ZNRF3: variants seen among roughly 807,000 people sequenced by gnomAD.
ZNRF3 encodes zinc and ring finger 3.
In ZNRF3, 23 loss-of-function variants were observed where a neutral mutation model predicts 72.5. That is an observed-to-expected ratio of 0.32 (90% CI 0.23 to 0.45). The LOEUF is 0.45. Ranked by LOEUF, ZNRF3 falls within the 20% of genes least tolerant of loss-of-function variation. The pLI is 1.00. For missense variants in ZNRF3, 1,169 were observed against 1,272.1 expected (o/e 0.92, Z 1.23); for synonymous variants, 610 against 545.3 (o/e 1.12, Z -1.65).
At chr22:28,946,559 A>G (rs1355170865) in intron 1 of ZNRF3, among the ~76,000 whole-genome samples, 1 of 152,224 alleles carries the variant, frequency 6.6e-6, no homozygotes, top group Non-Finnish European at 1.5e-5. Context: ...TAGACCGTCC[A>G]TTTACTAAAT....
chr22:28,991,288 A>G (rs1209686670), intron 2 of ZNRF3, among the ~76,000 whole-genome samples: 1 of 139,878 alleles, frequency 7.1e-6, no homozygotes, highest in Non-Finnish European at 1.6e-5. Context: ...TCAAAAAAAA[A>G]AAAAAAAAAA....
chr22:28,983,879 T>C (rs12484306), intron 1 of ZNRF3, among the ~76,000 whole-genome samples: 1 of 152,206 alleles, frequency 6.6e-6, no homozygotes, highest in Admixed American at 6.5e-5. Context: ...TTCACACATG[T>C]AGATCCTGAG....
chr22:28,898,618 A>C (rs2034044255), intron 1 of ZNRF3, among the ~76,000 whole-genome samples: 1 of 152,284 alleles, frequency 6.6e-6, no homozygotes, highest in Non-Finnish European at 1.5e-5. Context: ...ATGTAGCTTC[A>C]GAATGACCCA....
chr22:29,050,459 G>A lies in ZNRF3; in HGVS notation c.2278G>A (p.Gly760Ser), dbSNP rs771618826. ...GTCAGGAAGCTCCCAGGGCTTGTAC[G>A]GCCTTCACCCCGACCATTTGCCCAG... ...PQSGSSQGLY[G>S]LHPDHLPRTD... The change falls in exon 8 of 9, where the codon GGC becomes AGC. Residue 760 changes from glycine to serine, a missense_variant. Coordinates refer to ENST00000544604, the MANE Select transcript of ZNRF3 (RefSeq NM_001206998.2). 15 of 1,612,078 alleles carry A rather than the reference G, an allele frequency of 9.3e-6. No individual in the cohort carries two copies. In the Admixed American group the frequency reaches 1.2e-4, roughly 13 times the overall value.
At chr22:28,938,805 G>T (rs1056554244) in intron 1 of ZNRF3, among the ~76,000 whole-genome samples, 14 of 152,282 alleles carry the variant, frequency 9.2e-5, no homozygotes, top group African/African-American at 3.4e-4. Flanking sequence ...TTTGTAAGAT[G>T]TAAGATGGGT....
intron 1 of ZNRF3, among the ~76,000 whole-genome samples, chr22:28,911,074 C>T (rs1377749313): frequency 6.6e-6 from 1 of 152,168 alleles, no homozygotes; most frequent in Non-Finnish European, 1.5e-5. Context: ...TTCTGAGCCT[C>T]AGTCTCCACA....
chr22:28,995,859 T>A (rs1298654444), intron 2 of ZNRF3, among the ~76,000 whole-genome samples: 1 of 151,676 alleles, frequency 6.6e-6, no homozygotes, highest in East Asian at 1.9e-4. Flanking sequence ...CACTGCAACC[T>A]CTGTGCCCCA....
At chr22:28,926,269 A>T (rs1307943961) in intron 1 of ZNRF3, among the ~76,000 whole-genome samples, 1 of 152,226 alleles carries the variant, frequency 6.6e-6, no homozygotes, top group Non-Finnish European at 1.5e-5. Flanking sequence ...GCATGGAGCA[A>T]GCCAGCTGGG....
chr22:28,969,130 G>A (rs748692378), intron 1 of ZNRF3, among the ~76,000 whole-genome samples: 3 of 152,162 alleles, frequency 2.0e-5, no homozygotes, highest in Admixed American at 6.5e-5. Flanking sequence ...AGCTGGGGCA[G>A]CCTAGCCCAA....
chr22:29,002,014 C>T (rs561370063), intron 2 of ZNRF3, among the ~76,000 whole-genome samples: 1 of 152,342 alleles, frequency 6.6e-6, no homozygotes, highest in Admixed American at 6.5e-5. Flanking sequence ...GTGTTCCTCT[C>T]TCTTCATCAC....
chr22:29,003,983 A>C (rs2036197583), intron 2 of ZNRF3, among the ~76,000 whole-genome samples: 1 of 152,274 alleles, frequency 6.6e-6, no homozygotes, highest in Non-Finnish European at 1.5e-5. Flanking sequence ...GGTGTGTTTC[A>C]GAGATTTGGA....
At chr22:29,038,423 A>G (rs2036902297) in intron 2 of ZNRF3, among the ~76,000 whole-genome samples, 1 of 151,478 alleles carries the variant, frequency 6.6e-6, no homozygotes, top group Non-Finnish European at 1.5e-5. Flanking sequence ...TACAGCTTCA[A>G]CCTCCTGGGC....
intron 2 of ZNRF3, among the ~76,000 whole-genome samples, chr22:28,990,180 C>G (rs2035929660): frequency 1.3e-5 from 2 of 152,352 alleles, no homozygotes; most frequent in South Asian, 4.1e-4. Flanking sequence ...TTCTGAGCCT[C>G]TCTCCTGTAC....
chr22:29,000,732 A>G (rs919252043), intron 2 of ZNRF3, among the ~76,000 whole-genome samples: 2 of 152,188 alleles, frequency 1.3e-5, no homozygotes, highest in Non-Finnish European at 2.9e-5. Flanking sequence ...ATCTGGTTCT[A>G]GTGAGGGCCT....
At chr22:29,053,553 T>G (rs749477253) in intron 8 of ZNRF3, 26 bp from the exon 9 acceptor site, 2 of 1,612,878 alleles carry the variant, frequency 1.2e-6, no homozygotes, top group South Asian at 2.2e-5. Context: ...CTCCCTCCCC[T>G]GATGATTGTT....
intron 4 of ZNRF3, among the ~76,000 whole-genome samples, chr22:29,043,876 C>T (rs2037013371): frequency 6.6e-6 from 1 of 152,132 alleles, no homozygotes; most frequent in Admixed American, 6.6e-5. Flanking sequence ...TTGAAACTCC[C>T]CAAGTTAATT....
At chr22:28,971,671 A>C (rs957491605) in intron 1 of ZNRF3, among the ~76,000 whole-genome samples, 17 of 152,198 alleles carry the variant, frequency 1.1e-4, no homozygotes, top group African/African-American at 4.1e-4. Flanking sequence ...AATTGCCTGG[A>C]GTAATGGAGC....
rs1195427821 is a variant in ZNRF3 at position 29,055,138 on chromosome 22, A to T, written c.*1516A>T. ...TTAAAAGGGAGAGAGAATCTATTTAAAGCTATTTCAGATCAGGGATTGTCA... is the reference window on the plus strand; with the variant it reads ...TTAAAAGGGAGAGAGAATCTATTTATAGCTATTTCAGATCAGGGATTGTCA... On this transcript the variant is annotated 3_prime_UTR_variant, in exon 9 of 9. Coordinates refer to ENST00000544604, the MANE Select transcript of ZNRF3 (RefSeq NM_001206998.2). The T allele has an allele frequency of 6.5e-6, 1 of 152,730 alleles. No homozygotes were observed. The highest frequency in any genetic ancestry group is 1.5e-5 in the Non-Finnish European group (1 of 68,068). The allele number at this position is 152,730 out of a possible 1,614,324, so 9.5% of individuals were successfully genotyped here.
chr22:28,895,599 G>A (rs1013472076), intron 1 of ZNRF3, among the ~76,000 whole-genome samples: 3 of 152,264 alleles, frequency 2.0e-5, no homozygotes, highest in South Asian at 2.1e-4. Context: ...CCTGGGTGGC[G>A]GAGCTTACAG....
Sources: gnomAD v4.1 joint callset for allele counts (sites outside exome capture counted in the v4.1 genomes callset) on GRCh38, gnomAD v4.1.1 for gene constraint, MANE v1.5 for transcripts, NCBI Gene and HGNC (gene_info 2026-07-23, HGNC 2026-07-21) for gene names.